The following GSPT1 variants were observed in gnomAD, a reference collection of about 807,000 sequenced individuals.
GSPT1 encodes the protein G1 to S phase transition 1, also known as eukaryotic peptide chain release factor GTP-binding subunit ERF3A.
Under a neutral mutation model 72.5 loss-of-function variants are expected in GSPT1, and 20 were observed. That is an observed-to-expected ratio of 0.28 (90% CI 0.19 to 0.40). The LOEUF (loss-of-function observed/expected upper bound fraction) is 0.40. GSPT1 is among the 10% of genes least tolerant of loss of function. The pLI, the probability that GSPT1 is intolerant of heterozygous loss-of-function variation, is 1.00. For missense variants in GSPT1, 580 were observed against 811.9 expected (o/e 0.71, Z 3.47); for synonymous variants, 334 against 293.5 (o/e 1.14, Z -1.41).
At chr16:11,900,163 G>A (rs937396575) in intron 1 of GSPT1, among the ~76,000 whole-genome samples, 1 of 151,842 alleles carries the variant, frequency 6.6e-6, no homozygotes, top group African/African-American at 2.4e-5. Flanking sequence ...GCAAAACCCT[G>A]TCTCTACTGA....
At position 11,871,148 on chromosome 16, in the gene GSPT1, T is replaced by C. The variant is rs949532429; in HGVS notation, c.*1971A>G. ...ATAAAAGCCCAGAGATTTGCAGACA[T>C]AATAAAATCTATTTAAATTTCATGC... On this transcript the variant is annotated 3_prime_UTR_variant, in exon 15 of 15. Transcript: ENST00000434724. 7 of 152,328 alleles carry C rather than the reference T, an allele frequency of 4.6e-5. No homozygotes were observed. Among genetic ancestry groups the C allele is most frequent in the African/African-American group, 1.7e-4 (7 of 41,582 alleles). 9.4% of individuals were successfully genotyped at this position (152,328 alleles called of 1,614,324 possible).
In GSPT1 at chr16:11,868,143, G is replaced by C. The variant is rs1002874891; in HGVS notation, c.*4976C>G. 1 of 152,154 alleles carries C rather than the reference G, an allele frequency of 6.6e-6. No homozygotes were observed. The highest frequency in any genetic ancestry group is 2.4e-5 in the African/African-American group (1 of 41,436). The allele number at this position is 152,154 out of a possible 1,614,324, so 9.4% of individuals were successfully genotyped here. A position where few individuals can be genotyped will look rare whatever the true frequency, so the allele number is the denominator to read the frequency against. On this transcript the variant is annotated 3_prime_UTR_variant, in exon 15 of 15. Transcript: ENST00000434724. ...CGACAAATCCTTCAAAAGGGAAGAT[G>C]ACAACTTTTATTGTTATTACAAAAG...
At chr16:11,873,260 A>AT in intron 14 of GSPT1, 89 bp from the exon 15 acceptor site, 13 of 650,146 alleles carry the variant, frequency 2.0e-5, no homozygotes, top group Admixed American at 2.3e-5. Flanking sequence ...TCACAAAAAT[A>AT]TTTTTTACAA....
intron 2 of GSPT1, 38 bp downstream of exon 2, chr16:11,897,956 T>A: frequency 6.7e-7 from 1 of 1,484,068 alleles, no homozygotes; most frequent in Admixed American, 2.0e-5. Context: ...GACAACCTAA[T>A]GTTTTCTCAA....
Position 11,873,006 on chromosome 16 carries a change from G to T in GSPT1, c.*113C>A. On this transcript the variant is annotated 3_prime_UTR_variant, in exon 15 of 15. Transcript: ENST00000434724. ...GACTTTTGCTGTGAATTTCCTCTTT[G>T]CAAAATATGGGGAGAGGTTTATCAA... 1 of 642,644 alleles carries T rather than the reference G, an allele frequency of 1.6e-6. No homozygotes were observed. 39.8% of individuals were successfully genotyped at this position (642,644 alleles called of 1,614,324 possible). A position where few individuals can be genotyped will look rare whatever the true frequency, so the allele number is the denominator to read the frequency against.
intron 1 of GSPT1, among the ~76,000 whole-genome samples, chr16:11,914,671 G>C (rs921368701): frequency 3.9e-5 from 6 of 152,168 alleles, no homozygotes; most frequent in African/African-American, 1.2e-4. Flanking sequence ...ACTTTAAAAA[G>C]ACACAAATCA....
At chr16:11,913,487 A>G (rs533453267) in intron 1 of GSPT1, among the ~76,000 whole-genome samples, 1 of 152,338 alleles carries the variant, frequency 6.6e-6, no homozygotes. Flanking sequence ...GTAACTACAA[A>G]TTAGCAACTA....
chr16:11,916,012 C>T, upstream of GSPT1: 4 of 670,008 alleles, frequency 6.0e-6, no homozygotes, highest in Non-Finnish European at 1.1e-5. Flanking sequence ...CCACCCCCGG[C>T]GCGGATTGAC....
At chr16:11,900,982 C>T (rs1304084735) in intron 1 of GSPT1, among the ~76,000 whole-genome samples, 2 of 151,844 alleles carry the variant, frequency 1.3e-5, no homozygotes, top group Admixed American at 1.3e-4. Flanking sequence ...GGCAAAACCC[C>T]ACCTGTACCA....
rs2054345262 is a variant in GSPT1, at chr16:11,896,774, C to T, written c.448G>A (p.Glu150Lys). ...ELSEPIVENG[E>K]TEMSPEESWE... The stretch of plus-strand genomic sequence containing the variant: ...GATTCTTCTGGAGACATTTCTGTCT[C>T]TCCATTTTCTACTGAAGAAAGACAT... Residue 150 changes from glutamate (E) to lysine (K), a missense_variant, in exon 4 of 15, where the codon GAG (glutamate) becomes AAG (lysine). Transcript: ENST00000434724. 1 of 1,572,712 alleles carries T rather than the reference C, an allele frequency of 6.4e-7. No individual in the cohort carries two copies. Among genetic ancestry groups the T allele is most frequent in the South Asian group, 1.2e-5 (1 of 86,476 alleles).
intron 1 of GSPT1, among the ~76,000 whole-genome samples, chr16:11,907,093 A>G (rs572131365): frequency 6.6e-6 from 1 of 152,316 alleles, no homozygotes; most frequent in South Asian, 2.1e-4. Flanking sequence ...TTACATCAAC[A>G]CTTGCTAAAA....
intron 3 of GSPT1, among the ~76,000 whole-genome samples, chr16:11,896,990 G>C (rs567221751): frequency 6.6e-6 from 1 of 152,240 alleles, no homozygotes; most frequent in Admixed American, 6.6e-5. Context: ...TCACATCAGA[G>C]GGCACTGACT....
intron 1 of GSPT1, 130 bp downstream of exon 1, chr16:11,915,239 G>A: frequency 5.2e-6 from 6 of 1,161,208 alleles, no homozygotes; most frequent in Non-Finnish European, 5.3e-6. Flanking sequence ...GCCCCACCCA[G>A]GCAGACGGCG....
intron 1 of GSPT1, among the ~76,000 whole-genome samples, chr16:11,906,826 G>A (rs1682954881): frequency 6.6e-6 from 1 of 152,096 alleles, no homozygotes; most frequent in Non-Finnish European, 1.5e-5. Flanking sequence ...GATCACATGA[G>A]ACAATATTTC....
chr16:11,870,095 A>G lies in GSPT1; in HGVS notation c.*3024T>C, dbSNP rs1038142504. 3 of 147,572 alleles carry G rather than the reference A, an allele frequency of 2.0e-5. No homozygotes were observed. Among genetic ancestry groups the G allele is most frequent in the Non-Finnish European group, 4.5e-5 (3 of 66,046 alleles). The allele number at this position is 147,572 out of a possible 1,614,324, so 9.1% of individuals were successfully genotyped here. Reference sequence around the variant, plus strand: ...GGAACTTTTGACATTCGGTTATCACATATTTCAAAGATTTTCAACTCACAA... The same window carrying G: ...GGAACTTTTGACATTCGGTTATCACGTATTTCAAAGATTTTCAACTCACAA... On this transcript the variant is annotated 3_prime_UTR_variant, in exon 15 of 15. Coordinates refer to ENST00000434724, the MANE Select transcript of GSPT1 (RefSeq NM_002094.4).
intron 1 of GSPT1, among the ~76,000 whole-genome samples, chr16:11,904,550 A>G (rs1331960991): frequency 6.6e-6 from 1 of 151,264 alleles, no homozygotes; most frequent in Non-Finnish European, 1.5e-5. Context: ...AGAGTGTACA[A>G]TTTTTTTTTA....
chr16:11,909,662 C>T (rs556943734), intron 1 of GSPT1, among the ~76,000 whole-genome samples: 34 of 152,270 alleles, frequency 2.2e-4, no homozygotes, highest in Admixed American at 5.9e-4. Context: ...CAGTGGCTCT[C>T]GCCTGTAATC....
intron 1 of GSPT1, among the ~76,000 whole-genome samples, chr16:11,902,962 C>T (rs1041987952): frequency 6.6e-6 from 1 of 151,976 alleles, no homozygotes; most frequent in African/African-American, 2.4e-5. Flanking sequence ...AGCAATCCAC[C>T]CACCTCAGCC....
intron 1 of GSPT1, among the ~76,000 whole-genome samples, chr16:11,899,300 C>T (rs540934784): frequency 1.7e-4 from 26 of 152,182 alleles, no homozygotes; most frequent in African/African-American, 6.0e-4. Flanking sequence ...TTTCCTGTCC[C>T]TGATAGGTAA....
Sources: gnomAD v4.1 joint callset for allele counts (sites outside exome capture counted in the v4.1 genomes callset) on GRCh38, gnomAD v4.1.1 for gene constraint, MANE v1.5 for transcripts, NCBI Gene and HGNC (gene_info 2026-07-23, HGNC 2026-07-21) for gene names.